PLXDC2: variants seen among roughly 807,000 people sequenced by gnomAD.
The protein encoded by PLXDC2 is plexin domain-containing protein 2.
Under a neutral mutation model 68.9 loss-of-function variants are expected in PLXDC2, and 40 were observed. The observed-to-expected ratio is 0.58, with a 90% CI of 0.45 to 0.76. PLXDC2 has a LOEUF of 0.76. Among genes scored for constraint, PLXDC2 ranks in the 30% least tolerant of loss-of-function variants. The pLI is 0.00. For synonymous variants in PLXDC2, 243 were observed against 234.2 expected (o/e 1.04, Z -0.34); for missense variants, 644 against 661.9 (o/e 0.97, Z 0.30).
chr10:20,108,710 CTTG>C (rs1833522151), intron 4 of PLXDC2, among the ~76,000 whole-genome samples: 1 of 152,134 alleles, frequency 6.6e-6, no homozygotes, highest in Non-Finnish European at 1.5e-5. Context: ...GGTTATGTCA[CTTG>C]ATAGTTTTCC....
intron 1 of PLXDC2, among the ~76,000 whole-genome samples, chr10:19,896,008 C>G (rs528640158): frequency 6.6e-6 from 1 of 152,314 alleles, no homozygotes; most frequent in South Asian, 2.1e-4. Flanking sequence ...TGGAGCAGGT[C>G]AAGGTCGGGG....
chr10:20,041,816 C>T (rs1835688382), intron 2 of PLXDC2, among the ~76,000 whole-genome samples: 1 of 152,084 alleles, frequency 6.6e-6, no homozygotes, highest in Non-Finnish European at 1.5e-5. Flanking sequence ...TTATGGACAG[C>T]CTCCTTCTGT....
At chr10:19,976,229 T>C (rs944557841) in intron 1 of PLXDC2, among the ~76,000 whole-genome samples, 1 of 152,132 alleles carries the variant, frequency 6.6e-6, no homozygotes, top group Non-Finnish European at 1.5e-5. Context: ...GTTTTGTTTT[T>C]TTGAGACAGA....
intron 13 of PLXDC2, among the ~76,000 whole-genome samples, chr10:20,271,948 T>C (rs1042661390): frequency 1.3e-5 from 2 of 152,242 alleles, no homozygotes; most frequent in Non-Finnish European, 2.9e-5. Flanking sequence ...ATAAGATAAA[T>C]GCCTTATCTT....
chr10:20,266,625 G>T (rs916367131), intron 13 of PLXDC2, among the ~76,000 whole-genome samples: 1 of 152,140 alleles, frequency 6.6e-6, no homozygotes, highest in Non-Finnish European at 1.5e-5. Flanking sequence ...AATAACCGGA[G>T]ATTAGGAGAT....
At position 20,281,362 on chromosome 10, in the gene PLXDC2, A is replaced by T. The variant is rs892706122; in HGVS notation, c.*1543A>T. 1 of 152,142 alleles carries T rather than the reference A, an allele frequency of 6.6e-6. No homozygotes were observed. The highest frequency in any genetic ancestry group is 1.5e-5 in the Non-Finnish European group (1 of 68,014). 9.4% of individuals were successfully genotyped at this position (152,142 alleles called of 1,614,324 possible). A position where few individuals can be genotyped will look rare whatever the true frequency, so the allele number is the denominator to read the frequency against. On this transcript the variant is annotated 3_prime_UTR_variant, in exon 14 of 14. Transcript: ENST00000377252. ...TACAATTTCACCAACATTCTAACCC[A>T]TGAAACTTTTACACTCTGTGCCAAG...
chr10:20,073,688 A>C (rs1202156350), intron 4 of PLXDC2, among the ~76,000 whole-genome samples: 2 of 152,192 alleles, frequency 1.3e-5, no homozygotes, highest in African/African-American at 4.8e-5. Flanking sequence ...TCAGAATACA[A>C]ATATTTCAGG....
At chr10:20,255,185 G>A (rs1588546129) in intron 13 of PLXDC2, among the ~76,000 whole-genome samples, 1 of 146,858 alleles carries the variant, frequency 6.8e-6, no homozygotes, top group Non-Finnish European at 1.5e-5. Context: ...GGGTGGATAG[G>A]TGGATGGATA....
chr10:19,930,959 G>C (rs532990240), intron 1 of PLXDC2, among the ~76,000 whole-genome samples: 2 of 151,980 alleles, frequency 1.3e-5, no homozygotes, highest in South Asian at 2.1e-4. Context: ...GAGAGACTCC[G>C]CTGAAAAGAA....
rs185787927 is a variant in PLXDC2, at chr10:20,104,920, G to A, written c.541+36681G>A. Among the ~76,000 whole-genome samples, 714 of 151,880 alleles carry A rather than the reference G, an allele frequency of 4.7e-3. 1 individual carries two copies. Among genetic ancestry groups the A allele is most frequent in the Non-Finnish European group, 7.0e-3 (475 of 67,942 alleles). ...ACAAAAATTAGCTGGGGGTGGTGGC[G>A]TGTGCCTGTAATCCCAGCTACTCAG... On this transcript the variant is annotated intron_variant, in intron 4 of 13. Coordinates refer to ENST00000377252, the MANE Select transcript of PLXDC2 (RefSeq NM_032812.9).
At chr10:19,908,829 C>G (rs1421379704) in intron 1 of PLXDC2, among the ~76,000 whole-genome samples, 3 of 152,054 alleles carry the variant, frequency 2.0e-5, no homozygotes, top group Non-Finnish European at 4.4e-5. Flanking sequence ...AAGGGAGTTT[C>G]TAAAGAGAGG....
chr10:19,832,718 G>A (rs545761341), intron 1 of PLXDC2, among the ~76,000 whole-genome samples: 23 of 152,332 alleles, frequency 1.5e-4, no homozygotes, highest in African/African-American at 5.0e-4. Flanking sequence ...CTATGTGCAT[G>A]TGTATAACAT....
At chr10:19,897,227 C>CTTTTTTTTTTTT (rs558204823) in intron 1 of PLXDC2, among the ~76,000 whole-genome samples, 1 of 139,968 alleles carries the variant, frequency 7.1e-6, no homozygotes. Flanking sequence ...ATTCCCTTCT[C>CTTTTTTTTTTTT]TTTTTTTTTT....
rs1362831688 is a variant in PLXDC2, at chr10:19,883,205, G to A, written c.112+66014G>A. Among the ~76,000 whole-genome samples, 8 of 151,854 alleles carry A rather than the reference G, an allele frequency of 5.3e-5. No homozygotes were observed. In the East Asian group the frequency reaches 5.8e-4, roughly 11 times the overall value. On this transcript the variant is annotated intron_variant, in intron 1 of 13. Coordinates refer to ENST00000377252, the MANE Select transcript of PLXDC2 (RefSeq NM_032812.9). ...TCTCGATCTCCTGACCTCATGATCC[G>A]CCCGCCTTGGCCTCCCAAAGTGCTG...
intron 4 of PLXDC2, among the ~76,000 whole-genome samples, chr10:20,108,681 A>G (rs1301641993): frequency 1.3e-5 from 2 of 152,168 alleles, no homozygotes; most frequent in African/African-American, 4.8e-5. Context: ...AAATCTCATC[A>G]TCCTCTTTTT....
chr10:20,134,598 G>A (rs1833909667), intron 4 of PLXDC2, among the ~76,000 whole-genome samples: 1 of 152,154 alleles, frequency 6.6e-6, no homozygotes, highest in Admixed American at 6.5e-5. Context: ...GACAGGCATG[G>A]ATCCTGGGTC....
At chr10:19,843,535 T>C (rs940464761) in intron 1 of PLXDC2, among the ~76,000 whole-genome samples, 3 of 151,848 alleles carry the variant, frequency 2.0e-5, no homozygotes, top group Admixed American at 2.0e-4. Flanking sequence ...AAGTGAGAAA[T>C]GTACAGGAAA....
intron 13 of PLXDC2, among the ~76,000 whole-genome samples, chr10:20,279,011 A>G (rs1836046034): frequency 6.6e-6 from 1 of 152,214 alleles, no homozygotes; most frequent in Admixed American, 6.6e-5. Flanking sequence ...GTCAATACAA[A>G]TAACCTGTAT....
At chr10:20,113,845 G>A (rs1833588757) in intron 4 of PLXDC2, among the ~76,000 whole-genome samples, 1 of 152,148 alleles carries the variant, frequency 6.6e-6, no homozygotes, top group Admixed American at 6.5e-5. Flanking sequence ...AGCAAATGTG[G>A]CTGGGTGTGG....
Sources: allele counts gnomAD v4.1 joint callset (sites outside exome capture counted in the v4.1 genomes callset), GRCh38; gene constraint gnomAD v4.1.1; transcripts MANE v1.5; gene names NCBI Gene and HGNC (gene_info 2026-07-23, HGNC 2026-07-21).